The following RBL1 variants were observed in gnomAD, a reference collection of about 807,000 sequenced individuals.
The protein encoded by RBL1 is RB transcriptional corepressor like 1.
In RBL1, 82 loss-of-function variants were observed where a neutral mutation model predicts 123.0. The observed-to-expected ratio is 0.67, with a 90% CI of 0.56 to 0.80. RBL1 has a LOEUF of 0.80. Ranked by LOEUF, RBL1 falls within the 30% of genes least tolerant of loss-of-function variation. RBL1 has a pLI of 0.00. For missense variants in RBL1, 1,171 were observed against 1,299.6 expected (o/e 0.90, Z 1.52); for synonymous variants, 405 against 441.3 (o/e 0.92, Z 1.03).
intron 9 of RBL1, among the ~76,000 whole-genome samples, chr20:37,058,142 A>AAAAAAAAAAAAAAAAC (rs2065042248): frequency 6.9e-6 from 1 of 145,800 alleles, no homozygotes; most frequent in Non-Finnish European, 1.5e-5. Context: ...AAACAAAACA[A>AAAAAAAAAAAAAAAAC]AAAAAAAAAA....
At chr20:37,037,988 G>GTTTTTTTTTTT (rs57647591) in intron 14 of RBL1, among the ~76,000 whole-genome samples, 1 of 83,600 alleles carries the variant, frequency 1.2e-5, no homozygotes, top group Non-Finnish European at 2.2e-5. Context: ...CCCGGCCATT[G>GTTTTTTTTTTT]TTTTTTTTTT....
chr20:37,052,158 G>C (rs937917829), intron 11 of RBL1, among the ~76,000 whole-genome samples: 2 of 151,584 alleles, frequency 1.3e-5, no homozygotes, highest in African/African-American at 4.9e-5. Flanking sequence ...TCAGCCTCCC[G>C]AGTAGCTGGG....
Position 37,064,328 on chromosome 20 carries a change from G to A in RBL1, c.896+1096C>T, listed in dbSNP as rs541886305. Among the ~76,000 whole-genome samples, 6 of 151,526 alleles carry A rather than the reference G, an allele frequency of 4.0e-5. 1 individual carries two copies. Among genetic ancestry groups the A allele is most frequent in the South Asian group, 2.1e-4 (1 of 4,788 alleles). On this transcript the variant is annotated intron_variant, in intron 7 of 21. Coordinates refer to ENST00000373664, the MANE Select transcript of RBL1 (RefSeq NM_002895.5). ...AATTTTTGTATTTTTAGTAGAGACC[G>A]GGTTTCACCATTTTGGCCAGGATGG...
rs6030799 is a variant in RBL1, at chr20:37,021,875, T to G, written c.2559+775A>C. 830 of 177,102 alleles carry G rather than the reference T, an allele frequency of 4.7e-3. 8 individuals are homozygous for G. Among genetic ancestry groups the G allele is most frequent in the African/African-American group, 0.019 (787 of 42,104 alleles). The allele number at this position is 177,102 out of a possible 1,614,324, so 11.0% of individuals were successfully genotyped here. ...TGGTAACTAGTGTCTTTCCAGTATT[T>G]CTTGTATTGAACATAGTCGGTGCTT... is the stretch of plus-strand genomic sequence containing the variant. On this transcript the variant is annotated intron_variant, in intron 17 of 21. Coordinates refer to ENST00000373664, the MANE Select transcript of RBL1 (RefSeq NM_002895.5).
rs1230717622 is a variant in RBL1, at chr20:37,007,526, G to C, written c.2756C>G (p.Ser919Cys). 33 of 1,613,616 alleles carry C rather than the reference G, an allele frequency of 2.0e-5. No homozygotes were observed. Among genetic ancestry groups the C allele is most frequent in the Non-Finnish European group, 2.7e-5 (32 of 1,179,872 alleles). ...TCTTTCCTCTTTCACTGGTCCACTGGAACAGTCAGGTGTTTTTGTAGCATC... is the reference window on the plus strand; with the variant it reads ...TCTTTCCTCTTTCACTGGTCCACTGCAACAGTCAGGTGTTTTTGTAGCATC... ...LEDATKTPDC[S>C]SGPVKEERGD... Residue 919 changes from serine (S) to cysteine (C), a missense_variant, in exon 20 of 22, where the codon TCC (serine) becomes TGC (cysteine). Physicochemically the swap from Ser to Cys is moderately radical, Grantham distance 112 (BLOSUM62 -1). Coordinates refer to ENST00000373664, the MANE Select transcript of RBL1 (RefSeq NM_002895.5).
chr20:37,017,886 T>C (rs1471502344), intron 19 of RBL1, among the ~76,000 whole-genome samples: 1 of 152,090 alleles, frequency 6.6e-6, no homozygotes, highest in African/African-American at 2.4e-5. Flanking sequence ...CCACCCGCCT[T>C]GGCCTCCCAA....
chr20:37,035,592 T>A (rs1337507766), intron 14 of RBL1, 84 bp from the exon 15 acceptor site: 3 of 1,204,672 alleles, frequency 2.5e-6, no homozygotes, highest in Non-Finnish European at 3.4e-6. Flanking sequence ...AGATAGTGAG[T>A]TACTTATGCT....
chr20:37,032,052 C>T (rs2064522552), intron 16 of RBL1, among the ~76,000 whole-genome samples: 1 of 151,540 alleles, frequency 6.6e-6, no homozygotes, highest in Non-Finnish European at 1.5e-5. Context: ...CTGGTTTGAA[C>T]AGACACCTGT....
chr20:37,052,770 A>G (rs562268863), intron 11 of RBL1, among the ~76,000 whole-genome samples: 130 of 152,120 alleles, frequency 8.5e-4, no homozygotes, highest in Non-Finnish European at 1.7e-3. Flanking sequence ...TCAGTCTCCT[A>G]AAGTGCTAGG....
At chr20:37,075,852 T>G (rs1359554322) in intron 2 of RBL1, among the ~76,000 whole-genome samples, 5 of 152,206 alleles carry the variant, frequency 3.3e-5, no homozygotes, top group Non-Finnish European at 7.3e-5. Flanking sequence ...TTAAAGACTC[T>G]AACCTAAGAA....
At chr20:37,062,005 A>G in intron 8 of RBL1, 79 bp downstream of exon 8, 1 of 1,361,512 alleles carries the variant, frequency 7.3e-7, no homozygotes, top group Non-Finnish European at 9.8e-7. Flanking sequence ...TTAACTTGAA[A>G]GATGCTTCTG....
intron 19 of RBL1, 91 bp downstream of exon 19, chr20:37,018,188 T>G: frequency 7.4e-7 from 1 of 1,359,852 alleles, no homozygotes; most frequent in East Asian, 2.8e-5. Context: ...CTCCTTATGA[T>G]TCACATTTCC....
In RBL1 at chr20:36,998,523, C is replaced by T. The variant is rs554862226; in HGVS notation, c.*236G>A. The T allele has an allele frequency of 1.2e-4, 49 of 399,792 alleles. No homozygotes were observed. In the East Asian group the frequency reaches 2.4e-3, roughly 20 times the overall value. 24.8% of individuals were successfully genotyped at this position (399,792 alleles called of 1,614,324 possible). A position where few individuals can be genotyped will look rare whatever the true frequency, so the allele number is the denominator to read the frequency against. ...ACAGGCGTGAGCCACAGCGCCTGGCCGGACTATTAGTATTTTTAAAAGGCA... is the reference window on the plus strand; with the variant it reads ...ACAGGCGTGAGCCACAGCGCCTGGCTGGACTATTAGTATTTTTAAAAGGCA... On this transcript the variant is annotated 3_prime_UTR_variant, in exon 22 of 22. Transcript: ENST00000373664.
At chr20:37,000,787 G>C (rs1481481722) in intron 21 of RBL1, among the ~76,000 whole-genome samples, 17 of 137,664 alleles carry the variant, frequency 1.2e-4, no homozygotes, top group Admixed American at 3.5e-4. Flanking sequence ...TCAGCCCCCC[G>C]CCCGGCCAGC....
intron 19 of RBL1, among the ~76,000 whole-genome samples, chr20:37,013,435 C>G (rs201511000): frequency 2.6e-5 from 4 of 151,036 alleles, no homozygotes; most frequent in Non-Finnish European, 3.0e-5. Context: ...TCAAGTACCC[C>G]GGGACACAAA....
rs368788689 is a variant in RBL1, at chr20:37,061,248, T to A, written c.1105A>T (p.Thr369Ser). ...FEKKRSFAPS[T>S]PLTGRRYLRE... The stretch of plus-strand genomic sequence containing the variant: ...AAATATCTCCGTCCGGTCAGTGGGG[T>A]AGAAGGTGCAAATGACCTTTTCTGT... Residue 369 changes from threonine (T) to serine (S), a missense_variant, in exon 9 of 22, where the codon ACC becomes TCC. Physicochemically the swap from Thr to Ser is moderately conservative, Grantham distance 58 (BLOSUM62 1). Transcript: ENST00000373664. 1 of 1,611,512 alleles carries A rather than the reference T, an allele frequency of 6.2e-7. No individual in the cohort carries two copies. Among genetic ancestry groups the A allele is most frequent in the African/African-American group, 1.3e-5 (1 of 74,852 alleles).
intron 21 of RBL1, among the ~76,000 whole-genome samples, chr20:37,002,683 A>G (rs1048542990): frequency 6.7e-5 from 10 of 148,426 alleles, no homozygotes; most frequent in African/African-American, 2.5e-4. Context: ...AAAGCTCCCT[A>G]CAGTTTGAGA....
intron 20 of RBL1, among the ~76,000 whole-genome samples, chr20:37,006,876 AGTT>A (rs2064083176): frequency 6.6e-6 from 1 of 151,318 alleles, no homozygotes; most frequent in Admixed American, 6.6e-5. Context: ...AAAACAAATT[AGTT>A]GTTTTAATAT....
intron 17 of RBL1, among the ~76,000 whole-genome samples, chr20:37,021,390 A>G (rs1331047487): frequency 6.6e-6 from 1 of 152,038 alleles, no homozygotes; most frequent in Non-Finnish European, 1.5e-5. Context: ...CTGAACTCTA[A>G]CAGTCTTCTG....
Sources: gnomAD v4.1 joint callset for allele counts (sites outside exome capture counted in the v4.1 genomes callset) on GRCh38, gnomAD v4.1.1 for gene constraint, MANE v1.5 for transcripts, NCBI Gene and HGNC (gene_info 2026-07-23, HGNC 2026-07-21) for gene names.